SNRPN: variants seen among roughly 807,000 people sequenced by gnomAD.
SNRPN encodes small nuclear ribonucleoprotein polypeptide N.
In SNRPN, 7 loss-of-function variants were observed where a neutral mutation model predicts 25.2. The ratio of observed to expected loss-of-function variants is 0.28; its 90% CI spans 0.16 to 0.52. SNRPN has a LOEUF of 0.52. Among genes scored for constraint, SNRPN ranks in the 20% least tolerant of loss-of-function variants. The probability of loss-of-function intolerance (pLI) is 0.96; values close to 1 mark genes in which losing one functional copy is unlikely to be tolerated. For synonymous variants in SNRPN, 124 were observed against 110.6 expected, an observed-to-expected ratio of 1.12 and a Z score of -0.76; for missense variants, 196 against 322.5, an observed-to-expected ratio of 0.61 and a Z score of 3.00.
chr15:24,846,230 G>A (rs1223637959), intron 2 of SNRPN, among the ~76,000 whole-genome samples: 1 of 151,948 alleles, frequency 6.6e-6, no homozygotes, highest in East Asian at 1.9e-4. Context: ...ATTTTGTCAG[G>A]TTTATCTCGA....
chr15:24,891,839 CAA>C (rs1279651489), intron 2 of SNRPN, among the ~76,000 whole-genome samples: 1 of 152,128 alleles, frequency 6.6e-6, no homozygotes, highest in Admixed American at 6.5e-5. Context: ...AGGCAAATAT[CAA>C]AAGAGATCTT....
chr15:24,887,091 T>C (rs931410206), intron 2 of SNRPN, among the ~76,000 whole-genome samples: 2 of 151,996 alleles, frequency 1.3e-5, no homozygotes, highest in Non-Finnish European at 2.9e-5. Flanking sequence ...TCCTTTGTTC[T>C]CTGTATCATC....
intron 3 of SNRPN, among the ~76,000 whole-genome samples, chr15:24,936,034 G>C (rs1239251866): frequency 6.6e-6 from 1 of 151,792 alleles, no homozygotes. Context: ...AGAATCACTT[G>C]AACCCAGGAG....
Position 24,918,904 on chromosome 15 carries a change from T to TGC in SNRPN, c.-504-1106_-504-1105dup, listed in dbSNP as rs1475036991. ...ATATATATAACATAATATATATATG[T>TGC]GCACATATATATAACATAATATATA... On this transcript the variant is annotated intron_variant, in intron 2 of 11. Transcript: ENST00000400097. Among the ~76,000 whole-genome samples the TGC allele has an allele frequency of 2.2e-5, 2 of 92,868 alleles. 1 individual carries two copies. The highest frequency in any genetic ancestry group is 4.2e-5 in the Non-Finnish European group (2 of 47,338). 60.9% of individuals were successfully genotyped at this position (92,868 alleles called of 152,430 possible). A position where few individuals can be genotyped will look rare whatever the true frequency, so the allele number is the denominator to read the frequency against.
At chr15:24,963,617 GAAA>G (rs796727910) in intron 2 of SNRPN, among the ~76,000 whole-genome samples, 1 of 131,576 alleles carries the variant, frequency 7.6e-6, no homozygotes. Context: ...TCCATCTCAG[GAAA>G]AAAAAAAAAA....
At chr15:24,893,782 G>A (rs894958123) in intron 2 of SNRPN, among the ~76,000 whole-genome samples, 1 of 151,906 alleles carries the variant, frequency 6.6e-6, no homozygotes, top group African/African-American at 2.4e-5. Flanking sequence ...TGGTGATAGG[G>A]TTTTCATATT....
At chr15:24,847,035 T>C (rs1404808057) in intron 2 of SNRPN, among the ~76,000 whole-genome samples, 1 of 152,090 alleles carries the variant, frequency 6.6e-6, no homozygotes, top group Non-Finnish European at 1.5e-5. Context: ...ATTTTCAGGG[T>C]AGAAGCTCCT....
At chr15:24,828,201 A>G (rs940763588) in intron 1 of SNRPN, among the ~76,000 whole-genome samples, 3 of 152,140 alleles carry the variant, frequency 2.0e-5, no homozygotes. Context: ...AGAGAAATGA[A>G]TGTGTTCACG....
Position 24,955,076 on chromosome 15 carries a change from G to A in SNRPN, c.-391+14G>A, listed in dbSNP as rs1400916760. On this transcript the variant is annotated intron_variant, in intron 1 of 9. Transcript: ENST00000390687. ...GGAGCGGGCAAGGTCAGCTGTGCCG[G>A]TGGCTTCTCTCAAGAGACAGCCTGG... The A allele has an allele frequency of 2.5e-6, 4 of 1,613,438 alleles. No individual in the cohort carries two copies. In the Admixed American group the frequency reaches 5.0e-5, roughly 20 times the overall value.
intron 2 of SNRPN, among the ~76,000 whole-genome samples, chr15:24,891,468 C>T (rs112906641): frequency 0.016 from 2,363 of 150,752 alleles, 57 homozygotes; most frequent in African/African-American, 0.055. Flanking sequence ...GACGGATTCT[C>T]GCTGTGTTGC....
intron 3 of SNRPN, among the ~76,000 whole-genome samples, chr15:24,938,661 C>A (rs2061384226): frequency 6.6e-6 from 1 of 152,146 alleles, no homozygotes; most frequent in Admixed American, 6.5e-5. Context: ...AGGTTTTGGT[C>A]AGGAGGCAGA....
At chr15:24,909,058 AT>A in intron 2 of SNRPN, 1 of 1,418,296 alleles carries the variant, frequency 7.1e-7, no homozygotes, top group Non-Finnish European at 9.9e-7. Flanking sequence ...TCTTGGGCTT[AT>A]TTTCATAGAC....
chr15:24,885,197 A>C (rs2057088950), intron 1 of SNRPN, among the ~76,000 whole-genome samples: 1 of 152,172 alleles, frequency 6.6e-6, no homozygotes, highest in South Asian at 2.1e-4. Context: ...TTGTTGTAGG[A>C]GTGTATCCTT....
chr15:24,963,710 A>G (rs537506812), intron 2 of SNRPN, among the ~76,000 whole-genome samples: 20 of 151,848 alleles, frequency 1.3e-4, no homozygotes, highest in African/African-American at 4.8e-4. Context: ...ACTGAGTAGT[A>G]GTTTGTGTGT....
intron 1 of SNRPN, among the ~76,000 whole-genome samples, chr15:24,884,854 G>C (rs2057050624): frequency 6.6e-6 from 1 of 152,108 alleles, no homozygotes; most frequent in Non-Finnish European, 1.5e-5. Context: ...GAGGGTTCTT[G>C]GATCTCTAGC....
At chr15:24,878,372 G>C (rs2056204084) in intron 1 of SNRPN, among the ~76,000 whole-genome samples, 1 of 150,876 alleles carries the variant, frequency 6.6e-6, no homozygotes, top group South Asian at 2.1e-4. Flanking sequence ...CTACGGGAAG[G>C]TCACCTGACA....
At chr15:24,958,836 A>C (rs545262014) in intron 1 of SNRPN, 1 of 154,450 alleles carries the variant, frequency 6.5e-6, no homozygotes, top group East Asian at 1.9e-4. Flanking sequence ...CTCCTGCCTC[A>C]GCCTCCCAAG....
intron 2 of SNRPN, among the ~76,000 whole-genome samples, chr15:24,908,230 G>A (rs1264340523): frequency 6.6e-6 from 1 of 151,980 alleles, no homozygotes; most frequent in Admixed American, 6.6e-5. Context: ...TATGCTTAGC[G>A]GCACAACTGA....
At chr15:24,848,644 A>G (rs926029718) in intron 2 of SNRPN, 4 of 152,146 alleles carry the variant, frequency 2.6e-5, no homozygotes, top group African/African-American at 9.7e-5. Context: ...ATTTGTCTGA[A>G]AATTTGAAAT....
Sources: allele counts gnomAD v4.1 joint callset (sites outside exome capture counted in the v4.1 genomes callset), GRCh38; gene constraint gnomAD v4.1.1; transcripts MANE v1.5; gene names NCBI Gene and HGNC (gene_info 2026-07-23, HGNC 2026-07-21).